DNAH8: variants seen among roughly 807,000 people sequenced by gnomAD.
DNAH8 encodes the protein dynein axonemal heavy chain 8.
In DNAH8, 382 loss-of-function variants were observed where a neutral mutation model predicts 562.1. The observed-to-expected ratio is 0.68, with a 90% CI of 0.63 to 0.74. DNAH8 has a LOEUF of 0.74. DNAH8 is among the 30% of genes least tolerant of loss of function. The pLI, the probability that DNAH8 is intolerant of heterozygous loss-of-function variation, is 0.00. For synonymous variants in DNAH8, 1,881 were observed against 1,919.4 expected (o/e 0.98, Z 0.52); for missense variants, 5,203 against 5,620.4 (o/e 0.93, Z 2.37).
intron 91 of DNAH8, among the ~76,000 whole-genome samples, chr6:39,016,769 C>T (rs982516426): frequency 6.6e-6 from 1 of 152,086 alleles, no homozygotes; most frequent in Non-Finnish European, 1.5e-5. Context: ...TAGTGTGTTT[C>T]CCTCATTGAC....
intron 30 of DNAH8, among the ~76,000 whole-genome samples, chr6:38,831,038 T>C (rs919246455): frequency 6.6e-6 from 1 of 152,224 alleles, no homozygotes; most frequent in Non-Finnish European, 1.5e-5. Context: ...CTTACTCCTC[T>C]TGCTGGTTAG....
intron 4 of DNAH8, 138 bp from the exon 5 acceptor site, chr6:38,734,336 A>AG: frequency 2.0e-6 from 1 of 496,542 alleles, no homozygotes; most frequent in Non-Finnish European, 2.6e-6. Flanking sequence ...ACCCCCCCCC[A>AG]AAAAAATTAT....
At position 38,982,455 on chromosome 6, in the gene DNAH8, T is replaced by G. The variant is rs1452127432; in HGVS notation, c.12944T>G (p.Ile4315Ser). 1 of 1,482,212 alleles carries G rather than the reference T, an allele frequency of 6.7e-7. No homozygotes were observed. The highest frequency in any genetic ancestry group is 9.4e-7 in the Non-Finnish European group (1 of 1,060,782). The allele number at this position is 1,482,212 out of a possible 1,614,324, so 91.8% of individuals were successfully genotyped here. A position where few individuals can be genotyped will look rare whatever the true frequency, so the allele number is the denominator to read the frequency against. Residue 4315 changes from isoleucine (I) to serine (S), a missense_variant, in exon 86 of 93, where the codon ATT becomes AGT. Physicochemically the swap from Ile to Ser is moderately radical, Grantham distance 142. This residue lies in a region of DNAH8 where 1,399 missense variants were observed against 1,518.4 expected (regional missense o/e 0.92). Coordinates refer to ENST00000327475, the MANE Select transcript of DNAH8 (RefSeq NM_001206927.2). Reference protein sequence around the residue: ...FIQNHLDECDIKKGVSWNTVR... With the variant: ...FIQNHLDECDSKKGVSWNTVR... Reference sequence around the variant, plus strand: ...CAGAATCACCTTGATGAATGCGATATTAAGAAAGTGAGTGAAATTATGCCT... The same window carrying G: ...CAGAATCACCTTGATGAATGCGATAGTAAGAAAGTGAGTGAAATTATGCCT...
At chr6:38,915,450 C>G (rs1781238198) in intron 68 of DNAH8, 73 bp downstream of exon 68, 5 of 1,193,076 alleles carry the variant, frequency 4.2e-6, no homozygotes, top group South Asian at 2.7e-5. Flanking sequence ...GAAATTAACT[C>G]ATCAGAAAAC....
intron 85 of DNAH8, among the ~76,000 whole-genome samples, chr6:38,974,860 T>A (rs1763573738): frequency 6.6e-6 from 1 of 152,304 alleles, no homozygotes; most frequent in Non-Finnish European, 1.5e-5. Flanking sequence ...TAATGGATTA[T>A]AAAGATAGGA....
chr6:38,799,147 T>C (rs964038479), intron 21 of DNAH8, among the ~76,000 whole-genome samples: 1 of 152,164 alleles, frequency 6.6e-6, no homozygotes, highest in Non-Finnish European at 1.5e-5. Context: ...ATGGCTTTGA[T>C]GGAGTGACAG....
chr6:38,790,821 TAAA>T (rs777354870), intron 20 of DNAH8, among the ~76,000 whole-genome samples: 1 of 137,294 alleles, frequency 7.3e-6, no homozygotes, highest in African/African-American at 2.7e-5. Flanking sequence ...AGACTCCGTC[TAAA>T]AAAAAAAAAA....
At chr6:38,820,280 A>G (rs1772705203) in intron 26 of DNAH8, among the ~76,000 whole-genome samples, 2 of 152,216 alleles carry the variant, frequency 1.3e-5, no homozygotes, top group Admixed American at 1.3e-4. Context: ...ACTCATGTTT[A>G]TGAAAATATA....
chr6:38,830,513 T>C (rs1463216227), intron 30 of DNAH8, among the ~76,000 whole-genome samples: 1 of 151,642 alleles, frequency 6.6e-6, no homozygotes, highest in African/African-American at 2.4e-5. Flanking sequence ...CAGGCACCTG[T>C]AGTCCCAGCT....
chr6:38,746,653 G>A (rs1178057350), intron 8 of DNAH8, among the ~76,000 whole-genome samples: 1 of 151,892 alleles, frequency 6.6e-6, no homozygotes, highest in Non-Finnish European at 1.5e-5. Context: ...AATTGGTTGG[G>A]CGTGGTGGCT....
intron 88 of DNAH8, among the ~76,000 whole-genome samples, chr6:39,002,101 G>T (rs1765528953): frequency 6.6e-6 from 1 of 152,156 alleles, no homozygotes; most frequent in African/African-American, 2.4e-5. Context: ...TAAGGTTTTG[G>T]ATTTGTTTGG....
At chr6:38,746,559 T>A (rs1339150571) in intron 8 of DNAH8, among the ~76,000 whole-genome samples, 2 of 150,620 alleles carry the variant, frequency 1.3e-5, no homozygotes, top group South Asian at 2.1e-4. Context: ...TGAATTTTTT[T>A]ATATTTAGAT....
intron 12 of DNAH8, among the ~76,000 whole-genome samples, chr6:38,771,366 T>A (rs1032631048): frequency 3.3e-5 from 5 of 152,070 alleles, no homozygotes; most frequent in Admixed American, 6.5e-5. Flanking sequence ...AGCTGTTTTT[T>A]AAATTTGTTT....
rs751886336 is a variant in DNAH8 at position 38,899,891 on chromosome 6, A to G, written c.9179A>G (p.Gln3060Arg). The change falls in exon 62 of 93, where the codon CAG (glutamine) becomes CGG (arginine). Residue 3060 changes from glutamine to arginine, a missense_variant. Physicochemically the swap from Gln to Arg is conservative, Grantham distance 43 (BLOSUM62 1). Coordinates refer to ENST00000327475, the MANE Select transcript of DNAH8 (RefSeq NM_001206927.2). ...ASFIAGYQIF[Q>R]ITLTRSYNVT... Reference sequence around the variant, plus strand: ...TTTATTGCTGGCTATCAAATATTCCAGATAACATTAACCAGGTAGGATGAA... The same window carrying G: ...TTTATTGCTGGCTATCAAATATTCCGGATAACATTAACCAGGTAGGATGAA... 1.2e-6 allele frequency: 2 copies of G among 1,601,916 alleles called. No homozygotes were observed. Among genetic ancestry groups the G allele is most frequent in the Non-Finnish European group, 1.7e-6 (2 of 1,175,576 alleles).
At chr6:38,857,417 C>T (rs1776287255) in intron 41 of DNAH8, 101 bp from the exon 42 acceptor site, 2 of 716,358 alleles carry the variant, frequency 2.8e-6, no homozygotes, top group South Asian at 3.8e-5. Flanking sequence ...GCAAGTCAAT[C>T]TCATTTTTAG....
intron 26 of DNAH8, among the ~76,000 whole-genome samples, chr6:38,817,094 A>C (rs375246422): frequency 3.3e-4 from 51 of 152,306 alleles, no homozygotes; most frequent in African/African-American, 1.0e-3. Flanking sequence ...TGTAATCCCA[A>C]CATTTTGGGA....
intron 31 of DNAH8, among the ~76,000 whole-genome samples, chr6:38,833,249 T>A (rs1410071004): frequency 2.0e-5 from 3 of 152,098 alleles, no homozygotes; most frequent in African/African-American, 7.2e-5. Flanking sequence ...AATGCTTTTT[T>A]TTTTAACATG....
intron 74 of DNAH8, among the ~76,000 whole-genome samples, chr6:38,928,782 A>G (rs1782309293): frequency 6.6e-6 from 1 of 152,172 alleles, no homozygotes; most frequent in East Asian, 1.9e-4. Flanking sequence ...GCCTTTGGGA[A>G]TCTTCACAGT....
rs972623726 is a variant in DNAH8 at position 38,782,856 on chromosome 6, G to A, written c.2260-148G>A. On this transcript the variant is annotated intron_variant, in intron 16 of 92. Transcript: ENST00000327475. ...CCTACTTCTGCTTCTTGCTGATATG[G>A]CCTTCCCCATCTCTGTTTTACTGTG... 4.5e-6 allele frequency: 3 copies of A among 664,572 alleles called. No homozygotes were observed. In the African/African-American group the frequency reaches 5.5e-5, roughly 12 times the overall value. The allele number at this position is 664,572 out of a possible 1,614,324, so 41.2% of individuals were successfully genotyped here.
Sources: allele counts gnomAD v4.1 joint callset (sites outside exome capture counted in the v4.1 genomes callset), GRCh38; gene constraint gnomAD v4.1.1; regional missense constraint gnomAD v4.1.1; transcripts MANE v1.5; gene names NCBI Gene and HGNC (gene_info 2026-07-23, HGNC 2026-07-21).